The following SLC25A31 variants were observed in gnomAD, a reference collection of about 807,000 sequenced individuals.
SLC25A31 encodes the protein solute carrier family 25 member 31, also known as ADP/ATP translocase 4.
Under a neutral mutation model 36.2 loss-of-function variants are expected in SLC25A31, and 40 were observed. The observed-to-expected ratio is 1.10, with a 90% CI of 0.86 to 1.44. The LOEUF is 1.44. SLC25A31 is among the 40% of genes most tolerant of loss of function. The pLI is 0.00. For synonymous variants in SLC25A31, 143 were observed against 149.7 expected (o/e 0.96, Z 0.32); for missense variants, 350 against 397.1 (o/e 0.88, Z 1.01).
At chr4:127,733,122 A>G (rs1206471213) in intron 1 of SLC25A31, among the ~76,000 whole-genome samples, 1 of 152,200 alleles carries the variant, frequency 6.6e-6, no homozygotes, top group Non-Finnish European at 1.5e-5. Flanking sequence ...ATTTTAGTAT[A>G]CACTGATTCC....
chr4:127,748,922 A>G (rs1731871736), intron 2 of SLC25A31, among the ~76,000 whole-genome samples: 1 of 152,152 alleles, frequency 6.6e-6, no homozygotes. Context: ...CCAATAACAG[A>G]CCCCAAACAA....
Position 127,768,852 on chromosome 4 carries a change from CAGTT to C in SLC25A31, c.737_740del (p.Val246GlufsTer4), listed in dbSNP as rs749217912. 7 of 1,602,132 alleles carry C rather than the reference CAGTT, an allele frequency of 4.4e-6. No individual in the cohort carries two copies. The highest frequency in any genetic ancestry group is 4.5e-5 in the East Asian group (2 of 44,266). On this transcript the variant is annotated frameshift_variant, in exon 5 of 6. Transcript: ENST00000281154. LOFTEE classifies it high-confidence loss of function. Reference sequence around the variant, plus strand: ...GGAATACTTTCTTATCCCTTTGACACAGTTAGAAGACGTATGATGATGCAGGTAT... The same window carrying C: ...GGAATACTTTCTTATCCCTTTGACACAGAAGACGTATGATGATGCAGGTAT...
chr4:127,768,877 G>A lies in SLC25A31; in HGVS notation c.759G>A (p.Gln253=). The change falls in exon 5 of 6, where the codon CAG becomes CAA. Residue 253 remains glutamine, a splice_region_variant and synonymous_variant. Transcript: ENST00000281154. ...FDTVRRRMMM[Q]SGEAKRQYKG... is the part of the protein sequence containing the mutation. Reference sequence around the variant, plus strand: ...CAGTTAGAAGACGTATGATGATGCAGGTATTTTATGTTATTGTTTCTAAGC... The same window carrying A: ...CAGTTAGAAGACGTATGATGATGCAAGTATTTTATGTTATTGTTTCTAAGC... 20 of 1,582,952 alleles carry A rather than the reference G, an allele frequency of 1.3e-5. No homozygotes were observed. Among genetic ancestry groups the A allele is most frequent in the Non-Finnish European group, 1.6e-5 (19 of 1,169,418 alleles).
intron 1 of SLC25A31, among the ~76,000 whole-genome samples, chr4:127,735,888 A>C (rs4834215): frequency 2.1e-5 from 1 of 47,850 alleles, no homozygotes; most frequent in African/African-American, 7.6e-5. Flanking sequence ...TTATTTATTT[A>C]TTTATTTATT....
intron 2 of SLC25A31, among the ~76,000 whole-genome samples, chr4:127,749,850 A>G (rs1023391269): frequency 6.6e-6 from 1 of 152,154 alleles, no homozygotes; most frequent in African/African-American, 2.4e-5. Context: ...AGCCTGAGCA[A>G]TATAGCAAGA....
At chr4:127,736,716 C>T (rs888861879) in intron 1 of SLC25A31, among the ~76,000 whole-genome samples, 6 of 151,942 alleles carry the variant, frequency 3.9e-5, no homozygotes, top group Non-Finnish European at 4.4e-5. Context: ...CTATCTGATA[C>T]GGTAGTTGTG....
At chr4:127,766,154 T>A (rs1025075495) in intron 3 of SLC25A31, among the ~76,000 whole-genome samples, 69 of 149,918 alleles carry the variant, frequency 4.6e-4, no homozygotes, top group African/African-American at 1.3e-3. Flanking sequence ...TTTTATTTGT[T>A]TTTTTTTTTG....
In SLC25A31 at chr4:127,744,851, C is replaced by G. The variant is rs149974989; in HGVS notation, c.360+52C>G. 60 of 1,274,312 alleles carry G rather than the reference C, an allele frequency of 4.7e-5. No individual in the cohort carries two copies. The East Asian group carries it at 1.5e-3, about 32-fold the overall frequency. The allele number at this position is 1,274,312 out of a possible 1,614,324, so 78.9% of individuals were successfully genotyped here. A position where few individuals can be genotyped will look rare whatever the true frequency, so the allele number is the denominator to read the frequency against. ...TCTTCCAATATAGAAATTTTCCATC[C>G]AATATAAATTTCCCATCCAATGTAA... is the stretch of plus-strand genomic sequence containing the variant. On this transcript the variant is annotated intron_variant, in intron 2 of 5. Coordinates refer to ENST00000281154, the MANE Select transcript of SLC25A31 (RefSeq NM_031291.4).
chr4:127,730,892 T>C, intron 1 of SLC25A31, 115 bp downstream of exon 1: 1 of 1,001,258 alleles, frequency 1.0e-6, no homozygotes, highest in Non-Finnish European at 1.4e-6. Context: ...GCTACAGCTG[T>C]CGGTGATGAA....
At chr4:127,770,352 C>A (rs1023825396) in intron 5 of SLC25A31, among the ~76,000 whole-genome samples, 7 of 152,174 alleles carry the variant, frequency 4.6e-5, no homozygotes, top group African/African-American at 1.7e-4. Flanking sequence ...TTGAGCCAGG[C>A]ACTGTGGCTC....
chr4:127,756,470 G>T (rs1240850137), intron 2 of SLC25A31, among the ~76,000 whole-genome samples: 1 of 151,984 alleles, frequency 6.6e-6, no homozygotes, highest in Non-Finnish European at 1.5e-5. Flanking sequence ...TTGCTCAAAG[G>T]GTACAAAGTT....
chr4:127,760,375 A>C (rs889568683), intron 2 of SLC25A31, among the ~76,000 whole-genome samples: 7 of 152,224 alleles, frequency 4.6e-5, no homozygotes, highest in Non-Finnish European at 1.0e-4. Context: ...AGGTACAGAT[A>C]AGGAGAGTGG....
At position 127,731,676 on chromosome 4, in the gene SLC25A31, C is replaced by T. The variant is rs139426477; in HGVS notation, c.232+899C>T. 3.4e-3 allele frequency among the ~76,000 whole-genome samples: 516 copies of T among 152,174 alleles called. 4 individuals are homozygous for T. Among genetic ancestry groups the T allele is most frequent in the African/African-American group, 0.012 (486 of 41,528 alleles). On this transcript the variant is annotated intron_variant, in intron 1 of 5. Transcript: ENST00000281154. The stretch of plus-strand genomic sequence containing the variant: ...CTCCAGCCTGGATGAAGGAGTGAGA[C>T]CCTGTCTCAAAAAAACAAACAAAAC...
At chr4:127,735,202 A>G (rs1731600993) in intron 1 of SLC25A31, among the ~76,000 whole-genome samples, 1 of 152,184 alleles carries the variant, frequency 6.6e-6, no homozygotes, top group Non-Finnish European at 1.5e-5. Context: ...TGACAGTCTA[A>G]TTGGACCTGA....
intron 2 of SLC25A31, among the ~76,000 whole-genome samples, chr4:127,755,616 A>G (rs1043154160): frequency 2.0e-5 from 3 of 152,238 alleles, no homozygotes; most frequent in Non-Finnish European, 4.4e-5. Context: ...TAGAATGACT[A>G]TTATCAAAAA....
chr4:127,747,125 G>A (rs1215412738), intron 2 of SLC25A31, among the ~76,000 whole-genome samples: 1 of 152,056 alleles, frequency 6.6e-6, no homozygotes, highest in African/African-American at 2.4e-5. Flanking sequence ...CTGTTCCATT[G>A]GCCTATGTGC....
chr4:127,736,586 G>C (rs1246713356), intron 1 of SLC25A31, among the ~76,000 whole-genome samples: 1 of 152,122 alleles, frequency 6.6e-6, no homozygotes, highest in Admixed American at 6.5e-5. Context: ...TCTAGACCTC[G>C]AGTCGAATGG....
chr4:127,737,746 A>G (rs1431936424), intron 1 of SLC25A31, among the ~76,000 whole-genome samples: 1 of 151,924 alleles, frequency 6.6e-6, no homozygotes, highest in Non-Finnish European at 1.5e-5. Flanking sequence ...TTTTTTAGAG[A>G]TAGGGTCTCA....
At chr4:127,749,824 C>A (rs1731895216) in intron 2 of SLC25A31, among the ~76,000 whole-genome samples, 1 of 151,820 alleles carries the variant, frequency 6.6e-6, no homozygotes, top group East Asian at 1.9e-4. Context: ...TTGCTTGAAG[C>A]CAGGAGTTTG....
Sources: allele counts gnomAD v4.1 joint callset (sites outside exome capture counted in the v4.1 genomes callset), GRCh38; gene constraint gnomAD v4.1.1; transcripts MANE v1.5; gene names NCBI Gene and HGNC (gene_info 2026-07-23, HGNC 2026-07-21).